The following TAF3 variants were observed in gnomAD, a reference collection of about 807,000 sequenced individuals.
The protein encoded by TAF3 is TATA-box binding protein associated factor 3.
Under a neutral mutation model 80.6 loss-of-function variants are expected in TAF3, and 7 were observed. That is an observed-to-expected ratio of 0.09 (90% CI 0.05 to 0.16). The LOEUF (loss-of-function observed/expected upper bound fraction) is 0.16, where lower values mean the gene tolerates loss of function less well. TAF3 is among the 10% of genes least tolerant of loss of function. TAF3 has a pLI of 1.00. For synonymous variants in TAF3, 444 were observed against 446.1 expected (o/e 1.00, Z 0.06); for missense variants, 921 against 1,140.2 (o/e 0.81, Z 2.77).
chr10:7,865,484 A>G (rs1246907406), intron 2 of TAF3, among the ~76,000 whole-genome samples: 1 of 57,058 alleles, frequency 1.8e-5, no homozygotes, highest in African/African-American at 4.9e-5. Flanking sequence ...GTCTCAAACA[A>G]ACAAACAAAC....
intron 2 of TAF3, among the ~76,000 whole-genome samples, chr10:7,880,767 T>A (rs1476957580): frequency 6.6e-6 from 1 of 152,200 alleles, no homozygotes; most frequent in Non-Finnish European, 1.5e-5. Flanking sequence ...TACCTACTCA[T>A]CACTAAGCCA....
At chr10:7,986,353 CTG>C (rs1464158649) in intron 4 of TAF3, among the ~76,000 whole-genome samples, 1 of 152,166 alleles carries the variant, frequency 6.6e-6, no homozygotes, top group East Asian at 1.9e-4. Flanking sequence ...ATTTCCAAAA[CTG>C]AACCCAGCAT....
chr10:7,945,587 C>T (rs113210528), intron 2 of TAF3, among the ~76,000 whole-genome samples: 51 of 152,216 alleles, frequency 3.4e-4, no homozygotes, highest in African/African-American at 1.2e-3. Flanking sequence ...CGCACTGCAG[C>T]CCCCTACCTC....
intron 1 of TAF3, among the ~76,000 whole-genome samples, chr10:7,821,902 C>T (rs1211845823): frequency 6.6e-6 from 1 of 152,144 alleles, no homozygotes; most frequent in Non-Finnish European, 1.5e-5. Flanking sequence ...CTTAGAGAAT[C>T]ACATAAACTA....
intron 4 of TAF3, among the ~76,000 whole-genome samples, chr10:8,007,766 C>T (rs73618922): frequency 1.3e-5 from 2 of 151,766 alleles, no homozygotes; most frequent in South Asian, 4.2e-4. Context: ...TTGATGTTCT[C>T]ATAAGGACTG....
intron 2 of TAF3, among the ~76,000 whole-genome samples, chr10:7,872,687 G>A (rs1275074399): frequency 6.6e-6 from 1 of 152,180 alleles, no homozygotes; most frequent in Non-Finnish European, 1.5e-5. Context: ...CTGCATTAGT[G>A]TACTGCTTAA....
At chr10:7,857,609 G>A (rs1472331971) in intron 2 of TAF3, among the ~76,000 whole-genome samples, 1 of 152,132 alleles carries the variant, frequency 6.6e-6, no homozygotes, top group Non-Finnish European at 1.5e-5. Context: ...TATGTTGCTT[G>A]CATTCTTCAT....
At chr10:7,894,380 G>A (rs548410002) in intron 2 of TAF3, among the ~76,000 whole-genome samples, 7 of 152,262 alleles carry the variant, frequency 4.6e-5, no homozygotes, top group South Asian at 2.1e-4. Flanking sequence ...TCAAGTACTC[G>A]TTGCCTGCAT....
chr10:7,983,528 A>G (rs1397321417), intron 4 of TAF3, among the ~76,000 whole-genome samples: 1 of 152,178 alleles, frequency 6.6e-6, no homozygotes. Flanking sequence ...TCTGTTTTTA[A>G]TATTTTCTTC....
At chr10:7,867,272 A>C (rs35822603) in intron 2 of TAF3, among the ~76,000 whole-genome samples, 3,099 of 151,896 alleles carry the variant, frequency 0.02, 85 homozygotes, top group African/African-American at 0.063. Context: ...CACACACACA[A>C]AAAACAAAAA....
chr10:7,984,115 A>G (rs1831754527), intron 4 of TAF3, among the ~76,000 whole-genome samples: 1 of 152,178 alleles, frequency 6.6e-6, no homozygotes, highest in Admixed American at 6.5e-5. Context: ...CAGCAGTCCC[A>G]AACCCATAGA....
chr10:7,854,729 G>A (rs1837062296), intron 2 of TAF3, among the ~76,000 whole-genome samples: 1 of 152,168 alleles, frequency 6.6e-6, no homozygotes. Flanking sequence ...ATGTTTCTGT[G>A]TGTATTCGAA....
intron 4 of TAF3, among the ~76,000 whole-genome samples, chr10:7,979,098 A>G (rs1831699926): frequency 6.6e-6 from 1 of 151,998 alleles, no homozygotes. Flanking sequence ...TAATCCCAGC[A>G]CTTTGGGAGG....
intron 5 of TAF3, among the ~76,000 whole-genome samples, chr10:8,010,589 C>G (rs1181310704): frequency 6.6e-6 from 1 of 152,188 alleles, no homozygotes. Flanking sequence ...CCACAGAACT[C>G]CTGAGTATCC....
At chr10:7,872,000 G>T (rs890254848) in intron 2 of TAF3, among the ~76,000 whole-genome samples, 4 of 151,972 alleles carry the variant, frequency 2.6e-5, no homozygotes, top group African/African-American at 9.7e-5. Flanking sequence ...AAATTTAATC[G>T]GGACGCTTTT....
intron 2 of TAF3, among the ~76,000 whole-genome samples, chr10:7,857,282 T>C (rs529468739): frequency 6.6e-6 from 1 of 152,374 alleles, no homozygotes; most frequent in African/African-American, 2.4e-5. Context: ...AGCTCACTTA[T>C]AAATGTAATC....
At chr10:7,945,793 G>A (rs76013127) in intron 2 of TAF3, among the ~76,000 whole-genome samples, 7 of 152,090 alleles carry the variant, frequency 4.6e-5, no homozygotes, top group African/African-American at 7.2e-5. Flanking sequence ...GTCTAAAGTC[G>A]CCCTTTTTCT....
In TAF3 at chr10:8,016,325, C is replaced by T. The variant is rs1159596674; in HGVS notation, c.*1574C>T. 1 of 152,036 alleles carries T rather than the reference C, an allele frequency of 6.6e-6. No individual in the cohort carries two copies. Among genetic ancestry groups the T allele is most frequent in the Admixed American group, 6.6e-5 (1 of 15,256 alleles). The allele number at this position is 152,036 out of a possible 1,614,324, so 9.4% of individuals were successfully genotyped here. On this transcript the variant is annotated 3_prime_UTR_variant, in exon 7 of 7. Coordinates refer to ENST00000344293, the MANE Select transcript of TAF3 (RefSeq NM_031923.4). ...TGTATGAATTAGTCATATTTTAAAA[C>T]ATTATGTGGTTAGAGAAATGCGGTT...
chr10:7,922,025 G>A (rs1165161143), intron 2 of TAF3, among the ~76,000 whole-genome samples: 1 of 151,954 alleles, frequency 6.6e-6, no homozygotes, highest in Admixed American at 6.6e-5. Context: ...GACTTGAATT[G>A]GAATAGATTA....
Sources: gnomAD v4.1 joint callset for allele counts (sites outside exome capture counted in the v4.1 genomes callset) on GRCh38, gnomAD v4.1.1 for gene constraint, MANE v1.5 for transcripts, NCBI Gene and HGNC (gene_info 2026-07-23, HGNC 2026-07-21) for gene names.